Variants in UBN2 observed in about 807,000 individuals in gnomAD.
The protein encoded by UBN2 is ubinuclein-2.
A neutral mutation model predicts 120.2 loss-of-function variants in UBN2; 35 were observed. The ratio of observed to expected loss-of-function variants is 0.29; its 90% CI spans 0.22 to 0.39. The LOEUF (loss-of-function observed/expected upper bound fraction) is 0.39, where lower values mean the gene tolerates loss of function less well. Ranked by LOEUF, UBN2 falls within the 10% of genes least tolerant of loss-of-function variation. UBN2 has a pLI of 1.00. For missense variants in UBN2, 1,693 were observed against 1,663.2 expected, an observed-to-expected ratio of 1.02 and a Z score of -0.31; for synonymous variants, 661 against 648.7, an observed-to-expected ratio of 1.02 and a Z score of -0.29.
At position 139,251,947 on chromosome 7, in the gene UBN2, T is replaced by C; in HGVS notation, c.562-9T>C. ...TACCAAATCAGTCTAATGTATCTGT[T>C]CTTTGCAGGGTGGGAAACCCCGTAA... On this transcript the variant is annotated splice_polypyrimidine_tract_variant and intron_variant, in intron 2 of 17. Transcript: ENST00000473989. 1 of 1,613,038 alleles carries C rather than the reference T, an allele frequency of 6.2e-7. No individual in the cohort carries two copies. Among genetic ancestry groups the C allele is most frequent in the South Asian group, 1.1e-5 (1 of 91,062 alleles).
chr7:139,314,731 C>G, the UBN2 span, among the ~76,000 whole-genome samples: 216 of 151,890 alleles, frequency 1.4e-3, 7 homozygotes, highest in East Asian at 0.025. Context: ...GGGGATCTGC[C>G]CACCTGACCT....
chr7:139,265,246 A>T (rs1797060411), intron 6 of UBN2, among the ~76,000 whole-genome samples: 1 of 152,118 alleles, frequency 6.6e-6, no homozygotes, highest in South Asian at 2.1e-4. Flanking sequence ...CTGTAATCCC[A>T]GCACTTTGGG....
rs1012986174 is a variant in UBN2 at position 139,293,629 on chromosome 7, C to T, written c.3901+166C>T. On this transcript the variant is annotated intron_variant, in intron 16 of 17. Transcript: ENST00000473989. ...ATATATAGTAAGTCAAATTATTGGA[C>T]ACTGGGGTTTTATATACAGTTTTTA... The T allele has an allele frequency of 1.1e-5, 7 of 655,236 alleles. No homozygotes were observed. The African/African-American group carries it at 1.1e-4, about 10-fold the overall frequency. 40.6% of individuals were successfully genotyped at this position (655,236 alleles called of 1,614,324 possible).
chr7:139,288,494 G>A (rs750247662), intron 15 of UBN2, among the ~76,000 whole-genome samples: 2 of 152,158 alleles, frequency 1.3e-5, no homozygotes, highest in Non-Finnish European at 2.9e-5. Flanking sequence ...AGAGTGGTAG[G>A]TGATGAGATC....
chr7:139,272,178 G>A (rs1226116764), intron 8 of UBN2, 144 bp from the exon 9 acceptor site: 3 of 601,754 alleles, frequency 5.0e-6, no homozygotes, highest in Non-Finnish European at 5.8e-6. Flanking sequence ...AGTCAGTGCT[G>A]TAGAAGAAAT....
At chr7:139,242,132 T>C (rs1013203956) in intron 2 of UBN2, among the ~76,000 whole-genome samples, 9 of 152,232 alleles carry the variant, frequency 5.9e-5, no homozygotes, top group African/African-American at 1.2e-4. Flanking sequence ...TAAATACTAC[T>C]CGGCTAAGTG....
chr7:139,312,602 T>C (rs1053499038), downstream of UBN2, among the ~76,000 whole-genome samples: 1 of 152,274 alleles, frequency 6.6e-6, no homozygotes, highest in Non-Finnish European at 1.5e-5. Flanking sequence ...CAGTTACTTT[T>C]GTCTGTTACC....
rs192716655 is a variant in UBN2, at chr7:139,290,924, C to G, written c.3670-2308C>G. On this transcript the variant is annotated intron_variant, in intron 15 of 17. Transcript: ENST00000473989. ...TTCTTATACATTAACTTAAGAAGTA[C>G]CCCACCAGAAGCAAAAGGACAAAGA... 7.9e-5 allele frequency among the ~76,000 whole-genome samples: 12 copies of G among 152,100 alleles called. No homozygotes were observed. The East Asian group carries it at 2.3e-3, about 29-fold the overall frequency.
intron 2 of UBN2, among the ~76,000 whole-genome samples, chr7:139,239,436 T>A (rs568589518): frequency 6.6e-6 from 1 of 152,278 alleles, no homozygotes; most frequent in East Asian, 1.9e-4. Flanking sequence ...CAAGTTTATC[T>A]CTAGGAGAGA....
intron 13 of UBN2, among the ~76,000 whole-genome samples, chr7:139,281,726 A>T (rs569154090): frequency 1.5e-4 from 23 of 152,318 alleles, no homozygotes; most frequent in African/African-American, 5.1e-4. Flanking sequence ...TACTAGTAAT[A>T]CTTCCAATAT....
At chr7:139,236,020 C>G (rs1354710272) in intron 1 of UBN2, among the ~76,000 whole-genome samples, 1 of 152,122 alleles carries the variant, frequency 6.6e-6, no homozygotes, top group African/African-American at 2.4e-5. Flanking sequence ...AGTATACCTT[C>G]CTTTTTAAAT....
At position 139,304,997 on chromosome 7, in the gene UBN2, A is replaced by G. The variant is rs1257203043; in HGVS notation, c.*7161A>G. 2.0e-5 allele frequency: 3 copies of G among 152,070 alleles called. No individual in the cohort carries two copies. The East Asian group carries it at 5.8e-4, about 29-fold the overall frequency. The allele number at this position is 152,070 out of a possible 1,614,324, so 9.4% of individuals were successfully genotyped here. ...TGTGTTCATCTATCGTAAAATGTGA[A>G]CTCTGTATTCAAAAACTATCTACAG... On this transcript the variant is annotated 3_prime_UTR_variant, in exon 18 of 18. Transcript: ENST00000473989.
chr7:139,290,698 T>C (rs6963469), intron 15 of UBN2, among the ~76,000 whole-genome samples: 18,829 of 152,154 alleles, frequency 0.12, 2,217 homozygotes, highest in African/African-American at 0.27. Context: ...GCCAGAACTA[T>C]GGATATAAAT....
chr7:139,272,506 GT>G, intron 9 of UBN2, 66 bp downstream of exon 9: 1 of 727,182 alleles, frequency 1.4e-6, no homozygotes, highest in Non-Finnish European at 2.2e-6. Flanking sequence ...ATGTATGTAT[GT>G]ATGTATGTAT....
chr7:139,261,593 C>G lies in UBN2; in HGVS notation c.1247C>G (p.Ser416Cys), dbSNP rs1796934836. 1.2e-6 allele frequency: 2 copies of G among 1,614,218 alleles called. No homozygotes were observed. Among genetic ancestry groups the G allele is most frequent in the Non-Finnish European group, 1.7e-6 (2 of 1,180,034 alleles). The part of the protein sequence containing the change: ...FDFDRLLDAA[S>C]DGSPLSESGG... ...TTCGACAGATTACTGGATGCTGCTT[C>G]TGATGGTAGCCCCCTATCTGAGTCG... Residue 416 changes from serine to cysteine, a missense_variant, in exon 6 of 18, where the codon TCT (serine) becomes TGT (cysteine). This residue lies in a region of UBN2 where 663 missense variants were observed against 591.2 expected (regional missense o/e 1.12). Coordinates refer to ENST00000473989, the MANE Select transcript of UBN2 (RefSeq NM_173569.4).
chr7:139,265,015 A>G (rs1797053860), intron 6 of UBN2, among the ~76,000 whole-genome samples: 1 of 152,208 alleles, frequency 6.6e-6, no homozygotes, highest in Non-Finnish European at 1.5e-5. Flanking sequence ...TCTTTATACC[A>G]GGAACATTTG....
chr7:139,283,816 A>G lies in UBN2; in HGVS notation c.2911A>G (p.Ile971Val), dbSNP rs781090814. 5 of 1,614,096 alleles carry G rather than the reference A, an allele frequency of 3.1e-6. No homozygotes were observed. The highest frequency in any genetic ancestry group is 1.7e-5 in the Admixed American group (1 of 60,014). ...NPQLSCSSSL[I>V]KTSDKPLMYR... ...CCAACTCTCCTGTTCCTCCTCACTT[A>G]TTAAGACTTCAGATAAGCCACTTAT... Residue 971 changes from isoleucine (I) to valine (V), a missense_variant, in exon 15 of 18, where the codon ATT becomes GTT. Physicochemically the swap from Ile to Val is conservative, Grantham distance 29. Transcript: ENST00000473989.
At position 139,283,553 on chromosome 7, in the gene UBN2, G is replaced by A. The variant is rs1191648677; in HGVS notation, c.2648G>A (p.Arg883Lys). ...PARLLQQGLQRSSQIHTSSSS... is the reference protein window; with the variant it reads ...PARLLQQGLQKSSQIHTSSSS... ...AGGCTACTTCAACAAGGACTTCAGA[G>A]GTCAAGCCAGATTCACACTTCTTCC... The change falls in exon 15 of 18, where the codon AGG (arginine) becomes AAG (lysine). Residue 883 changes from arginine (R) to lysine (K), a missense_variant. By Grantham distance (26) the Arg-to-Lys change is conservative. Coordinates refer to ENST00000473989, the MANE Select transcript of UBN2 (RefSeq NM_173569.4). 1.2e-6 allele frequency: 2 copies of A among 1,614,028 alleles called. No homozygotes were observed. Among genetic ancestry groups the A allele is most frequent in the Admixed American group, 3.3e-5 (2 of 59,988 alleles).
chr7:139,252,786 A>T (rs1438545569), intron 3 of UBN2, among the ~76,000 whole-genome samples: 1 of 151,362 alleles, frequency 6.6e-6, no homozygotes, highest in Non-Finnish European at 1.5e-5. Context: ...TAAGTTTCTT[A>T]AAAAAAAAGA....
Sources: allele counts gnomAD v4.1 joint callset (sites outside exome capture counted in the v4.1 genomes callset), GRCh38; gene constraint gnomAD v4.1.1; regional missense constraint gnomAD v4.1.1; transcripts MANE v1.5; gene names NCBI Gene and HGNC (gene_info 2026-07-23, HGNC 2026-07-21).